CHEK2: variants seen among roughly 807,000 people sequenced by gnomAD.
CHEK2 encodes the protein serine/threonine-protein kinase Chk2.
CHEK2 carries 71 observed loss-of-function variants against 69.1 expected under a neutral mutation model. The ratio of observed to expected loss-of-function variants is 1.03; its 90% CI spans 0.85 to 1.25. The LOEUF (loss-of-function observed/expected upper bound fraction) is 1.25. Among genes scored for constraint, CHEK2 ranks in the 50% most tolerant of loss-of-function variants. The pLI, the probability that CHEK2 is intolerant of heterozygous loss-of-function variation, is 0.00. For synonymous variants in CHEK2, 189 were observed against 226.9 expected (o/e 0.83, Z 1.50); for missense variants, 664 against 649.6 (o/e 1.02, Z -0.24).
intron 5 of CHEK2, among the ~76,000 whole-genome samples, chr22:28,716,850 A>C (rs988010725): frequency 1.3e-5 from 2 of 152,216 alleles, no homozygotes; most frequent in Admixed American, 6.5e-5. Context: ...CCACAAAGCC[A>C]CAACTATGCT....
At chr22:28,720,279 C>T (rs1037054278) in intron 4 of CHEK2, among the ~76,000 whole-genome samples, 3 of 151,030 alleles carry the variant, frequency 2.0e-5, no homozygotes, top group Admixed American at 1.3e-4. Context: ...TTAGTAGAGA[C>T]GGGATTTTAC....
Position 28,695,773 on chromosome 22 carries a change from A to T in CHEK2, c.1196T>A (p.Val399Asp), listed in dbSNP as rs527878975. Residue 399 changes from valine (V) to aspartate (D), a missense_variant, in exon 11 of 15, where the codon GTT (valine) becomes GAT (aspartate). Coordinates refer to ENST00000404276, the MANE Select transcript of CHEK2 (RefSeq NM_007194.4). Reference sequence around the variant, plus strand: ...AGCACGGTTATACCCAGCAGTCCCAACAGAAACAAGAACTTCAGGCGCCAA... The same window carrying T: ...AGCACGGTTATACCCAGCAGTCCCATCAGAAACAAGAACTTCAGGCGCCAA... ...TYLAPEVLVS[V>D]GTAGYNRAVD... The T allele has an allele frequency of 4.3e-6, 7 of 1,613,894 alleles. No individual in the cohort carries two copies. In the East Asian group the frequency reaches 1.6e-4, roughly 36 times the overall value.
Position 28,687,881 on chromosome 22 carries a change from G to A in CHEK2, c.*16C>T, listed in dbSNP as rs1057522648. 1 of 1,586,854 alleles carries A rather than the reference G, an allele frequency of 6.3e-7. No individual in the cohort carries two copies. Among genetic ancestry groups the A allele is most frequent in the Non-Finnish European group, 8.5e-7 (1 of 1,171,132 alleles). ...GTGAAAGAAGGTACATTTCTTTCGT[G>A]TTCAAACCACGGAGTTCACAACACA... On this transcript the variant is annotated 3_prime_UTR_variant, in exon 15 of 15. Coordinates refer to ENST00000404276, the MANE Select transcript of CHEK2 (RefSeq NM_007194.4).
rs780707007 is a variant in CHEK2, at chr22:28,694,144, G to C, written c.1376-27C>G. 2.8e-6 allele frequency: 4 copies of C among 1,448,222 alleles called. No individual in the cohort carries two copies. Among genetic ancestry groups the C allele is most frequent in the Admixed American group, 3.3e-5 (2 of 59,752 alleles). The allele number at this position is 1,448,222 out of a possible 1,614,324, so 89.7% of individuals were successfully genotyped here. A position where few individuals can be genotyped will look rare whatever the true frequency, so the allele number is the denominator to read the frequency against. ...TAAAGCAACAATTGGGCAAATCACA[G>C]TGAAAAGGATAAATATATTATCAGT... On this transcript the variant is annotated intron_variant, in intron 12 of 14. Transcript: ENST00000404276.
intron 2 of CHEK2, among the ~76,000 whole-genome samples, chr22:28,730,141 C>T (rs1448091028): frequency 6.7e-6 from 1 of 148,590 alleles, no homozygotes; most frequent in Non-Finnish European, 1.5e-5. Context: ...CTGCACCCAC[C>T]CCAGAAAGAA....
intron 12 of CHEK2, 57 bp from the exon 13 acceptor site, chr22:28,694,174 G>T: frequency 3.4e-6 from 4 of 1,178,596 alleles, no homozygotes; most frequent in Non-Finnish European, 5.0e-6. Context: ...ATCAGTAAGA[G>T]TATGCCAGAA....
rs549647750 is a variant in CHEK2, at chr22:28,724,181, G to A, written c.592+796C>T. Among the ~76,000 whole-genome samples, 7 of 152,188 alleles carry A rather than the reference G, an allele frequency of 4.6e-5. No individual in the cohort carries two copies. In the South Asian group the frequency reaches 1.5e-3, roughly 32 times the overall value. On this transcript the variant is annotated intron_variant, in intron 4 of 14. Transcript: ENST00000404276. The stretch of plus-strand genomic sequence containing the variant: ...CCAGCACTTTGGGAGGCTGAAGCAG[G>A]CAGATCACGAGGTCAGGAGTTCAAG...
intron 2 of CHEK2, among the ~76,000 whole-genome samples, chr22:28,734,024 T>TTCATTTC (rs1353993640): frequency 1.9e-4 from 29 of 151,986 alleles, no homozygotes; most frequent in South Asian, 1.2e-3. Context: ...GCATAAGGCG[T>TTCATTTC]CAATCCACAC....
chr22:28,701,784 C>T (rs533780442), intron 8 of CHEK2, among the ~76,000 whole-genome samples: 22 of 152,062 alleles, frequency 1.4e-4, no homozygotes, highest in Non-Finnish European at 1.6e-4. Flanking sequence ...TGAAAGGACC[C>T]GCATAGAAAG....
chr22:28,689,047 T>C, intron 14 of CHEK2, 88 bp downstream of exon 14: 3 of 842,706 alleles, frequency 3.6e-6, no homozygotes, highest in South Asian at 2.8e-5. Context: ...AAGCAATTGC[T>C]ACTCAGGAAA....
In CHEK2 at chr22:28,687,954, C is replaced by G. The variant is rs770307891; in HGVS notation, c.1575G>C (p.Gly525=). Residue 525 remains glycine, a synonymous_variant, in exon 15 of 15, where the codon GGG becomes GGC. Transcript: ENST00000404276. ...PSTSRKRPRE[G]EAEGAETTKR... is the part of the protein sequence containing the mutation. ...TTGTGGTCTCGGCACCCTCGGCTTCCCCTTCACGGGGCCGCTTTCGACTAG... is the reference window on the plus strand; with the variant it reads ...TTGTGGTCTCGGCACCCTCGGCTTCGCCTTCACGGGGCCGCTTTCGACTAG... The G allele has an allele frequency of 6.3e-7, 1 of 1,596,364 alleles. No homozygotes were observed. The highest frequency in any genetic ancestry group is 2.2e-5 in the East Asian group (1 of 44,878).
At chr22:28,702,220 ACTTT>A (rs1343592869) in intron 8 of CHEK2, among the ~76,000 whole-genome samples, 1 of 137,060 alleles carries the variant, frequency 7.3e-6, no homozygotes, top group Admixed American at 7.6e-5. Context: ...TATCCTGTAT[ACTTT>A]CTTTCTCTAT....
chr22:28,741,656 C>T (rs2054559302), intron 1 of CHEK2, 113 bp downstream of exon 1: 1 of 192,512 alleles, frequency 5.2e-6, no homozygotes, highest in Non-Finnish European at 1.1e-5. Flanking sequence ...CACACTCCCC[C>T]TTCAGCTCAA....
At chr22:28,734,198 C>A (rs1029389134) in intron 2 of CHEK2, among the ~76,000 whole-genome samples, 1 of 152,176 alleles carries the variant, frequency 6.6e-6, no homozygotes, top group African/African-American at 2.4e-5. Context: ...GGCCTGCTCC[C>A]ATCCTGTGAC....
In CHEK2 at chr22:28,725,012, T is replaced by C. The variant is rs369223840; in HGVS notation, c.557A>G (p.Asn186Ser). The C allele has an allele frequency of 1.5e-5, 25 of 1,613,958 alleles. No individual in the cohort carries two copies. Among genetic ancestry groups the C allele is most frequent in the Admixed American group, 1.2e-4 (7 of 59,966 alleles). Residue 186 changes from asparagine to serine, a missense_variant, in exon 4 of 15, where the codon AAT (asparagine) becomes AGT (serine). Coordinates refer to ENST00000404276, the MANE Select transcript of CHEK2 (RefSeq NM_007194.4). ...GKGKRRPLNNNSEIALSLSRN... is the reference protein window; with the variant it reads ...GKGKRRPLNNSSEIALSLSRN... ...GCTTAGTGACAGTGCAATTTCAGAA[T>C]TGTTATTCAAAGGACGGCGTTTTCC...
intron 8 of CHEK2, among the ~76,000 whole-genome samples, chr22:28,700,820 G>A (rs1465602715): frequency 4.6e-5 from 7 of 151,966 alleles, no homozygotes; most frequent in South Asian, 4.1e-4. Context: ...ACAGAGTTTC[G>A]CTCTTATTGC....
In CHEK2 at chr22:28,687,798, C is replaced by G; in HGVS notation, c.*99G>C. 1 of 966,548 alleles carries G rather than the reference C, an allele frequency of 1.0e-6. No homozygotes were observed. Among genetic ancestry groups the G allele is most frequent in the Non-Finnish European group, 1.6e-6 (1 of 627,170 alleles). The allele number at this position is 966,548 out of a possible 1,614,324, so 59.9% of individuals were successfully genotyped here. A position where few individuals can be genotyped will look rare whatever the true frequency, so the allele number is the denominator to read the frequency against. On this transcript the variant is annotated 3_prime_UTR_variant, in exon 15 of 15. Coordinates refer to ENST00000404276, the MANE Select transcript of CHEK2 (RefSeq NM_007194.4). ...CAGTGACTGTGAAAAAGCAATTATT[C>G]CCATAATTAAAATACAAACTATAAA...
In CHEK2 at chr22:28,725,155, T is replaced by C. The variant is rs765536564; in HGVS notation, c.445-31A>G. On this transcript the variant is annotated intron_variant, in intron 3 of 14. Coordinates refer to ENST00000404276, the MANE Select transcript of CHEK2 (RefSeq NM_007194.4). ...ATAGAGAACATTTTGTTTCAGACTT[T>C]GAATAGCAGAGATTTATAGTGGGAA... 4 of 1,613,940 alleles carry C rather than the reference T, an allele frequency of 2.5e-6. No homozygotes were observed. The African/African-American group carries it at 4.0e-5, about 16-fold the overall frequency.
At chr22:28,690,270 T>C (rs770156636) in intron 13 of CHEK2, among the ~76,000 whole-genome samples, 11 of 152,118 alleles carry the variant, frequency 7.2e-5, no homozygotes, top group Admixed American at 2.6e-4. Context: ...GGTGGGAGAA[T>C]TGCTTGAGGC....
Sources: allele counts gnomAD v4.1 joint callset (sites outside exome capture counted in the v4.1 genomes callset), GRCh38; gene constraint gnomAD v4.1.1; transcripts MANE v1.5; gene names NCBI Gene and HGNC (gene_info 2026-07-23, HGNC 2026-07-21).